Variants in DPYD observed in about 807,000 individuals in gnomAD.
DPYD encodes dihydropyrimidine dehydrogenase.
A neutral mutation model predicts 116.2 loss-of-function variants in DPYD; 109 were observed. The ratio of observed to expected loss-of-function variants is 0.94; its 90% CI spans 0.80 to 1.10. DPYD has a LOEUF of 1.10. DPYD is among the 50% of genes least tolerant of loss of function. The pLI is 0.00. For missense variants in DPYD, 1,302 were observed against 1,254.5 expected (o/e 1.04, Z -0.57); for synonymous variants, 440 against 432.0 (o/e 1.02, Z -0.23).
At chr1:97,662,907 G>A (rs1659349765) in intron 8 of DPYD, among the ~76,000 whole-genome samples, 1 of 152,078 alleles carries the variant, frequency 6.6e-6, no homozygotes. Flanking sequence ...AGTTTCACTG[G>A]GCTATAATTT....
intron 2 of DPYD, among the ~76,000 whole-genome samples, chr1:97,836,854 T>C (rs1351199996): frequency 6.6e-6 from 1 of 152,098 alleles, no homozygotes; most frequent in Non-Finnish European, 1.5e-5. Flanking sequence ...AGAAAAAATA[T>C]GCCTAAGATT....
chr1:97,092,836 G>A (rs1332209839), intron 21 of DPYD, among the ~76,000 whole-genome samples: 1 of 151,666 alleles, frequency 6.6e-6, no homozygotes, highest in African/African-American at 2.4e-5. Flanking sequence ...GGACATCTTA[G>A]TCTTCTTATT....
intron 20 of DPYD, among the ~76,000 whole-genome samples, chr1:97,179,447 A>G (rs1657499954): frequency 6.6e-6 from 1 of 152,174 alleles, no homozygotes; most frequent in Non-Finnish European, 1.5e-5. Context: ...CAGCCAGCAC[A>G]GGACCTAGAA....
chr1:97,412,730 C>T (rs766378938), intron 14 of DPYD, among the ~76,000 whole-genome samples: 72 of 152,148 alleles, frequency 4.7e-4, no homozygotes, highest in African/African-American at 1.7e-3. Context: ...ATTATAAAAT[C>T]TATAGCACTG....
intron 20 of DPYD, among the ~76,000 whole-genome samples, chr1:97,160,979 A>G (rs1476554114): frequency 3.3e-5 from 5 of 152,106 alleles, no homozygotes; most frequent in African/African-American, 9.7e-5. Context: ...AACTTGGCTA[A>G]TCACTCCCTC....
At chr1:97,646,314 T>A (rs2100831277) in intron 8 of DPYD, among the ~76,000 whole-genome samples, 1 of 151,228 alleles carries the variant, frequency 6.6e-6, no homozygotes, top group South Asian at 2.1e-4. Flanking sequence ...CTGTATCTTC[T>A]TTTTATTTTT....
At chr1:97,391,702 T>C (rs1370843784) in intron 14 of DPYD, among the ~76,000 whole-genome samples, 3 of 152,030 alleles carry the variant, frequency 2.0e-5, no homozygotes, top group Admixed American at 6.6e-5. Context: ...AGTTGCCCCA[T>C]ATCTGATTTC....
At chr1:97,626,984 C>T (rs990855374) in intron 8 of DPYD, among the ~76,000 whole-genome samples, 4 of 152,010 alleles carry the variant, frequency 2.6e-5, no homozygotes, top group Non-Finnish European at 5.9e-5. Flanking sequence ...ACTCATGTCT[C>T]ATAGTTCTAG....
At chr1:97,777,420 T>G (rs573313058) in intron 3 of DPYD, among the ~76,000 whole-genome samples, 1 of 152,308 alleles carries the variant, frequency 6.6e-6, no homozygotes, top group South Asian at 2.1e-4. Context: ...TACTGTATGT[T>G]GCTTACTTAT....
chr1:97,325,112 G>T (rs1373815888), intron 16 of DPYD, among the ~76,000 whole-genome samples: 1 of 151,962 alleles, frequency 6.6e-6, no homozygotes. Context: ...TAAAACAGAT[G>T]GGTATTTACT....
chr1:97,227,398 C>G (rs1231419014), intron 19 of DPYD, among the ~76,000 whole-genome samples: 1 of 147,374 alleles, frequency 6.8e-6, no homozygotes, highest in African/African-American at 2.5e-5. Flanking sequence ...AATAATTGCC[C>G]AATAAAATGT....
At chr1:97,425,040 C>A (rs1330763431) in intron 14 of DPYD, among the ~76,000 whole-genome samples, 1 of 151,854 alleles carries the variant, frequency 6.6e-6, no homozygotes, top group Non-Finnish European at 1.5e-5. Flanking sequence ...CCCTAGAAAA[C>A]CTAGGGTATA....
At chr1:97,549,765 C>CTATTT (rs1651178984) in intron 11 of DPYD, 21 bp from the exon 12 acceptor site, 4 of 1,601,408 alleles carry the variant, frequency 2.5e-6, no homozygotes, top group Non-Finnish European at 3.4e-6. Flanking sequence ...AAGTGAAAAA[C>CTATTT]AATAGACAAT....
At chr1:97,167,477 A>G (rs1656412601) in intron 20 of DPYD, among the ~76,000 whole-genome samples, 1 of 152,146 alleles carries the variant, frequency 6.6e-6, no homozygotes, top group Admixed American at 6.6e-5. Context: ...ACTGAGATCA[A>G]ATTATATCCA....
intron 19 of DPYD, among the ~76,000 whole-genome samples, chr1:97,199,274 T>C (rs1167783496): frequency 2.6e-5 from 4 of 152,126 alleles, no homozygotes; most frequent in African/African-American, 9.7e-5. Context: ...GTCCTGTTTC[T>C]TAAAGTCAAT....
chr1:97,322,682 A>C (rs1558028603), intron 16 of DPYD: 1 of 152,026 alleles, frequency 6.6e-6, no homozygotes, highest in African/African-American at 2.4e-5. Flanking sequence ...GTGTAAAAAG[A>C]GAGTTCTCTA....
At chr1:97,204,543 A>T (rs1228409375) in intron 19 of DPYD, among the ~76,000 whole-genome samples, 1 of 152,154 alleles carries the variant, frequency 6.6e-6, no homozygotes, top group Non-Finnish European at 1.5e-5. Flanking sequence ...TGAGGGTTTT[A>T]GGAGGATGCT....
intron 18 of DPYD, among the ~76,000 whole-genome samples, chr1:97,254,372 G>A (rs528634059): frequency 6.6e-6 from 1 of 152,140 alleles, no homozygotes; most frequent in South Asian, 2.1e-4. Flanking sequence ...ACATTTTCTA[G>A]TAAAAGCTGT....
At chr1:97,410,163 A>G (rs369164225) in intron 14 of DPYD, among the ~76,000 whole-genome samples, 9 of 151,526 alleles carry the variant, frequency 5.9e-5, no homozygotes, top group African/African-American at 1.9e-4. Context: ...CTATTATATC[A>G]TTTTCTTATT....
Sources: allele counts gnomAD v4.1 joint callset (sites outside exome capture counted in the v4.1 genomes callset), GRCh38; gene constraint gnomAD v4.1.1; transcripts MANE v1.5; gene names NCBI Gene and HGNC (gene_info 2026-07-23, HGNC 2026-07-21).